Variants in MTA1 observed in about 807,000 individuals in gnomAD.
The protein encoded by MTA1 is metastasis associated 1, also known as metastasis-associated protein MTA1.
In MTA1, 15 loss-of-function variants were observed where a neutral mutation model predicts 97.0. That is an observed-to-expected ratio of 0.15 (90% CI 0.10 to 0.24). MTA1 has a LOEUF of 0.24. Ranked by LOEUF, MTA1 falls within the 10% of genes least tolerant of loss-of-function variation. The probability of loss-of-function intolerance (pLI) is 1.00; values close to 1 mark genes in which losing one functional copy is unlikely to be tolerated. For missense variants in MTA1, 709 were observed against 1,015.1 expected (o/e 0.70, Z 4.10); for synonymous variants, 435 against 417.5 (o/e 1.04, Z -0.51).
Position 105,460,912 on chromosome 14 carries a change from GA to G in MTA1, c.906del (p.Lys302AsnfsTer19). On this transcript the variant is annotated frameshift_variant, in exon 10 of 21. Coordinates refer to ENST00000331320, the MANE Select transcript of MTA1 (RefSeq NM_004689.4). LOFTEE classifies it high-confidence loss of function. ...GGCCAACCTTTTCGAGGAAGCCCTG[GA>G]AAAATATGGGAAGGATTTCACGGAC... ...SEANLFEEAL[E>X]KYGKDFTDIQ... 6.2e-7 allele frequency: 1 copy of G among 1,612,748 alleles called. No individual in the cohort carries two copies. The highest frequency in any genetic ancestry group is 8.5e-7 in the Non-Finnish European group (1 of 1,179,660).
chr14:105,449,356 T>C lies in MTA1; in HGVS notation c.191-3T>C. 2 of 1,612,248 alleles carry C rather than the reference T, an allele frequency of 1.2e-6. No homozygotes were observed. The highest frequency in any genetic ancestry group is 1.3e-5 in the African/African-American group (1 of 75,010). ...TGCCGGGTGCTGTCTGTCTGTTATA[T>C]AGCCCTGTCAGTCTGCTATAAGGCC... is the stretch of plus-strand genomic sequence containing the variant. On this transcript the variant is annotated splice_polypyrimidine_tract_variant and splice_region_variant and intron_variant, in intron 3 of 20. Coordinates refer to ENST00000331320, the MANE Select transcript of MTA1 (RefSeq NM_004689.4).
chr14:105,465,475 A>C (rs1269068552), intron 16 of MTA1: 2 of 275,080 alleles, frequency 7.3e-6, no homozygotes, highest in Non-Finnish European at 1.4e-5. Context: ...CTTCCCTGCC[A>C]GTCTCGCTAC....
chr14:105,445,437 A>G lies in MTA1; in HGVS notation c.116A>G (p.Glu39Gly). ...ELNKTANGNVEAKVVCFYRRR... is the reference protein window; with the variant it reads ...ELNKTANGNVGAKVVCFYRRR... ...TTACAGACGGCCAATGGGAACGTGGAGGCCAAAGTGGTGTGCTTCTACCGG... is the reference window on the plus strand; with the variant it reads ...TTACAGACGGCCAATGGGAACGTGGGGGCCAAAGTGGTGTGCTTCTACCGG... The change falls in exon 3 of 21, where the codon GAG (glutamate) becomes GGG (glycine). Residue 39 changes from glutamate (E) to glycine (G), a missense_variant. Around this residue, in one of 2 missense-constraint regions of MTA1, gnomAD observed 321 missense variants for 593.5 expected, o/e 0.54. Coordinates refer to ENST00000331320, the MANE Select transcript of MTA1 (RefSeq NM_004689.4). 6.2e-7 allele frequency: 1 copy of G among 1,613,804 alleles called. No homozygotes were observed.
chr14:105,462,011 C>G (rs1002055320), intron 10 of MTA1, among the ~76,000 whole-genome samples: 4 of 152,266 alleles, frequency 2.6e-5, no homozygotes, highest in Non-Finnish European at 1.5e-5. Flanking sequence ...GGAGACCCTG[C>G]TGCACATGGT....
At chr14:105,461,543 G>A (rs2083346956) in intron 10 of MTA1, among the ~76,000 whole-genome samples, 1 of 152,236 alleles carries the variant, frequency 6.6e-6, no homozygotes, top group Non-Finnish European at 1.5e-5. Flanking sequence ...CATCAGCCCT[G>A]GGGAGGTGGA....
intron 7 of MTA1, among the ~76,000 whole-genome samples, chr14:105,455,589 C>CG (rs2083116548): frequency 6.6e-6 from 1 of 152,244 alleles, no homozygotes; most frequent in South Asian, 2.1e-4. Flanking sequence ...CTGTGTCGCC[C>CG]AGGCTGGACT....
In MTA1 at chr14:105,464,655, G is replaced by T; in HGVS notation, c.1345-19G>T. 1.9e-6 allele frequency: 3 copies of T among 1,603,122 alleles called. No homozygotes were observed. Among genetic ancestry groups the T allele is most frequent in the Non-Finnish European group, 2.6e-6 (3 of 1,172,966 alleles). On this transcript the variant is annotated intron_variant, in intron 14 of 20. Transcript: ENST00000331320. ...CCGGTCATGGCGCTGTGTTGGGGCG[G>T]TTGCGCCCCCTTCCGCAGAGTCCCC...
At chr14:105,466,895 G>A (rs986974186) in intron 18 of MTA1, 153 bp downstream of exon 18, 32 of 751,908 alleles carry the variant, frequency 4.3e-5, no homozygotes, top group Non-Finnish European at 5.7e-5. Flanking sequence ...CATTCCTCCC[G>A]ACATCACTGG....
intron 18 of MTA1, 21 bp from the exon 19 acceptor site, chr14:105,469,444 TTC>T: frequency 6.2e-7 from 1 of 1,612,708 alleles, no homozygotes; most frequent in Non-Finnish European, 8.5e-7. Flanking sequence ...GGGGCCTCAT[TTC>T]TCTCCTCCAT....
At chr14:105,454,981 C>CT (rs2083086823) in intron 7 of MTA1, among the ~76,000 whole-genome samples, 1 of 152,166 alleles carries the variant, frequency 6.6e-6, no homozygotes. Context: ...TCACAGCTCA[C>CT]TGCAGCCTCG....
intron 15 of MTA1, 88 bp downstream of exon 15, chr14:105,464,951 G>A: frequency 6.9e-7 from 1 of 1,459,436 alleles, no homozygotes; most frequent in East Asian, 2.4e-5. Flanking sequence ...TAGCCCCACT[G>A]GGAGTTCTGA....
At chr14:105,468,135 T>G in intron 18 of MTA1, 1 of 388,726 alleles carries the variant, frequency 2.6e-6, no homozygotes, top group Non-Finnish European at 5.1e-6. Context: ...CGAGGTGGGG[T>G]CTCTGTCCAG....
chr14:105,466,909 C>T (rs2083615015), intron 18 of MTA1, 167 bp downstream of exon 18: 1 of 702,648 alleles, frequency 1.4e-6, no homozygotes, highest in Non-Finnish European at 2.3e-6. Flanking sequence ...TCACTGGTCC[C>T]TTGGTGAAGA....
Position 105,440,049 on chromosome 14 carries a change from C to G in MTA1, c.96+1310C>G, listed in dbSNP as rs911577595. On this transcript the variant is annotated intron_variant, in intron 2 of 20. Coordinates refer to ENST00000331320, the MANE Select transcript of MTA1 (RefSeq NM_004689.4). ...ACCTGGGGCCGAGGAGCATGGGGTGCGACATCTGCTCCCCCGCAGCTTCCT... is the reference window on the plus strand; with the variant it reads ...ACCTGGGGCCGAGGAGCATGGGGTGGGACATCTGCTCCCCCGCAGCTTCCT... Among the ~76,000 whole-genome samples the G allele has an allele frequency of 2.0e-5, 3 of 152,172 alleles. No individual in the cohort carries two copies. The East Asian group carries it at 5.8e-4, about 29-fold the overall frequency.
intron 1 of MTA1, among the ~76,000 whole-genome samples, chr14:105,426,164 C>A (rs1264978309): frequency 6.6e-6 from 1 of 152,072 alleles, no homozygotes; most frequent in Non-Finnish European, 1.5e-5. Flanking sequence ...GGTTGGGGGA[C>A]CCCTGGGGCA....
At chr14:105,438,583 C>T in intron 1 of MTA1, 89 bp from the exon 2 acceptor site, 1 of 1,171,314 alleles carries the variant, frequency 8.5e-7, no homozygotes, top group African/African-American at 1.5e-5. Context: ...CACTGCCCCG[C>T]CTGAGCCCCG....
chr14:105,447,811 C>CAGG (rs1235635496), intron 3 of MTA1, among the ~76,000 whole-genome samples: 1 of 152,214 alleles, frequency 6.6e-6, no homozygotes, highest in Non-Finnish European at 1.5e-5. Context: ...GGTGATTCTG[C>CAGG]AGGGCCCACA....
chr14:105,439,522 G>A (rs1555425199), intron 2 of MTA1, among the ~76,000 whole-genome samples: 3 of 152,180 alleles, frequency 2.0e-5, no homozygotes. Context: ...GGTGTAGGGC[G>A]CCCGCACACC....
chr14:105,466,760 G>T lies in MTA1; in HGVS notation c.1813+18G>T. ...CAGTAGGGGTAAGGCCTGGAGCCGC[G>T]GGCGGGCGCTGCGCCGGCCCCGCCC... On this transcript the variant is annotated intron_variant, in intron 18 of 20. Transcript: ENST00000331320. 6.4e-7 allele frequency: 1 copy of T among 1,566,208 alleles called. No homozygotes were observed. Among genetic ancestry groups the T allele is most frequent in the Non-Finnish European group, 8.6e-7 (1 of 1,157,152 alleles).
Sources: allele counts gnomAD v4.1 joint callset (sites outside exome capture counted in the v4.1 genomes callset), GRCh38; gene constraint gnomAD v4.1.1; regional missense constraint gnomAD v4.1.1; transcripts MANE v1.5; gene names NCBI Gene and HGNC (gene_info 2026-07-23, HGNC 2026-07-21).